IMMP2L: variants seen among roughly 807,000 people sequenced by gnomAD.
The protein encoded by IMMP2L is mitochondrial inner membrane protease subunit 2.
IMMP2L carries 18 observed loss-of-function variants against 19.3 expected under a neutral mutation model. The observed-to-expected ratio is 0.93, with a 90% CI of 0.64 to 1.38. The LOEUF (loss-of-function observed/expected upper bound fraction) is 1.38, where lower values mean the gene tolerates loss of function less well. Among genes scored for constraint, IMMP2L ranks in the 40% most tolerant of loss-of-function variants. IMMP2L has a pLI of 0.00. For missense variants in IMMP2L, 233 were observed against 218.2 expected, an observed-to-expected ratio of 1.07 and a Z score of -0.43; for synonymous variants, 76 against 73.0, an observed-to-expected ratio of 1.04 and a Z score of -0.21.
At chr7:111,214,232 A>G (rs908769078) in intron 3 of IMMP2L, among the ~76,000 whole-genome samples, 3 of 152,060 alleles carry the variant, frequency 2.0e-5, no homozygotes, top group Non-Finnish European at 4.4e-5. Flanking sequence ...TTAGAGAAAT[A>G]AAATCAATCA....
intron 3 of IMMP2L, among the ~76,000 whole-genome samples, chr7:111,030,179 T>C (rs1243282638): frequency 6.6e-6 from 1 of 152,160 alleles, no homozygotes; most frequent in Non-Finnish European, 1.5e-5. Context: ...TTGAACCTAT[T>C]GCATCTAATC....
chr7:111,144,593 C>T (rs144225092), intron 3 of IMMP2L, among the ~76,000 whole-genome samples: 14 of 152,096 alleles, frequency 9.2e-5, no homozygotes, highest in Admixed American at 2.0e-4. Context: ...AAAATACTTA[C>T]GCTTATTTAA....
intron 4 of IMMP2L, among the ~76,000 whole-genome samples, chr7:110,943,726 G>A (rs928898713): frequency 2.0e-5 from 3 of 151,994 alleles, no homozygotes; most frequent in Non-Finnish European, 2.9e-5. Context: ...GGGGTAGGGT[G>A]TTACCACAGA....
chr7:111,382,996 A>G (rs1033769753), intron 3 of IMMP2L, among the ~76,000 whole-genome samples: 6 of 152,066 alleles, frequency 3.9e-5, no homozygotes, highest in Non-Finnish European at 7.4e-5. Flanking sequence ...GTCATCTTTA[A>G]TCTACTCTGT....
rs932454289 is a variant in IMMP2L, at chr7:111,162,050, C to T, written c.240-198485G>A. On this transcript the variant is annotated intron_variant, in intron 3 of 5. Transcript: ENST00000405709. The stretch of plus-strand genomic sequence containing the variant: ...AGATGGCTAATGTTAGTCCAAATGA[C>T]GGTCTGCTCTGGTTAACACACTAAA... Among the ~76,000 whole-genome samples, 6 of 152,180 alleles carry T rather than the reference C, an allele frequency of 3.9e-5. No homozygotes were observed. The East Asian group carries it at 9.7e-4, about 24-fold the overall frequency.
At position 110,775,095 on chromosome 7, in the gene IMMP2L, T is replaced by A. The variant is rs557165688; in HGVS notation, c.409-111374A>T. Among the ~76,000 whole-genome samples the A allele has an allele frequency of 2.0e-5, 3 of 152,210 alleles. No homozygotes were observed. The South Asian group carries it at 6.2e-4, about 32-fold the overall frequency. ...TATAAAACTTTATATGCTGTTTCAA[T>A]TTTGGAATAAAAATTTATGCATATA... is the stretch of plus-strand genomic sequence containing the variant. On this transcript the variant is annotated intron_variant, in intron 5 of 5. Transcript: ENST00000405709.
At chr7:111,543,692 A>G (rs958276576) in intron 1 of IMMP2L, among the ~76,000 whole-genome samples, 1 of 152,202 alleles carries the variant, frequency 6.6e-6, no homozygotes, top group African/African-American at 2.4e-5. Flanking sequence ...AGATATGTAA[A>G]TCAACACTAA....
intron 3 of IMMP2L, among the ~76,000 whole-genome samples, chr7:111,415,586 G>C (rs984712633): frequency 6.6e-6 from 1 of 151,770 alleles, no homozygotes; most frequent in African/African-American, 2.4e-5. Context: ...TGTACATTTT[G>C]ACAATTGAAG....
rs750267136 is a variant in IMMP2L at position 111,387,975 on chromosome 7, T to TAA, written c.239+99261_239+99262dup. The stretch of plus-strand genomic sequence containing the variant: ...TGGAGACAGAGCAAGACTCTGTCTT[T>TAA]AAAAAAAAAAAAAAAAAAAAAAAAC... On this transcript the variant is annotated intron_variant, in intron 3 of 5. Coordinates refer to ENST00000405709, the MANE Select transcript of IMMP2L (RefSeq NM_032549.4). Among the ~76,000 whole-genome samples the TAA allele has an allele frequency of 6.2e-3, 580 of 93,316 alleles. 3 individuals carry two copies. Among genetic ancestry groups the TAA allele is most frequent in the African/African-American group, 0.013 (286 of 21,786 alleles). 61.2% of individuals were successfully genotyped at this position (93,316 alleles called of 152,430 possible).
At chr7:111,128,071 G>T (rs1212830980) in intron 3 of IMMP2L, among the ~76,000 whole-genome samples, 1 of 151,968 alleles carries the variant, frequency 6.6e-6, no homozygotes, top group African/African-American at 2.4e-5. Context: ...ACTTATTTTA[G>T]TGTTAAAGTT....
At chr7:111,486,601 A>G (rs1842674650) in intron 3 of IMMP2L, among the ~76,000 whole-genome samples, 1 of 152,158 alleles carries the variant, frequency 6.6e-6, no homozygotes, top group African/African-American at 2.4e-5. Context: ...AAGCAAACAA[A>G]CAAAAATCTC....
intron 3 of IMMP2L, among the ~76,000 whole-genome samples, chr7:111,307,822 G>A (rs562660903): frequency 6.6e-6 from 1 of 151,694 alleles, no homozygotes; most frequent in African/African-American, 2.4e-5. Flanking sequence ...CTAGCTCATG[G>A]GGCATTGTTT....
At chr7:111,076,513 T>C (rs1224041012) in intron 3 of IMMP2L, among the ~76,000 whole-genome samples, 1 of 152,146 alleles carries the variant, frequency 6.6e-6, no homozygotes, top group Non-Finnish European at 1.5e-5. Context: ...CAGCCTCCAC[T>C]GGCAGCAACC....
intron 4 of IMMP2L, among the ~76,000 whole-genome samples, chr7:110,930,647 T>A (rs563182429): frequency 2.6e-5 from 4 of 152,296 alleles, no homozygotes; most frequent in Admixed American, 1.3e-4. Flanking sequence ...TACTTAATTA[T>A]CACATTAATA....
chr7:111,328,485 C>T (rs1180478099), intron 3 of IMMP2L, among the ~76,000 whole-genome samples: 1 of 151,570 alleles, frequency 6.6e-6, no homozygotes, highest in East Asian at 1.9e-4. Flanking sequence ...CCCACAAATT[C>T]TAAAAGCATT....
At chr7:110,748,341 T>G (rs1000425392) in intron 5 of IMMP2L, among the ~76,000 whole-genome samples, 1 of 152,098 alleles carries the variant, frequency 6.6e-6, no homozygotes, top group Non-Finnish European at 1.5e-5. Flanking sequence ...TTTATAGATT[T>G]AATGCTATCC....
chr7:111,250,167 G>C (rs1248837248), intron 3 of IMMP2L, among the ~76,000 whole-genome samples: 1 of 151,996 alleles, frequency 6.6e-6, no homozygotes, highest in Non-Finnish European at 1.5e-5. Flanking sequence ...TTCCTACAAA[G>C]AGAATAAAAT....
chr7:110,672,910 A>C (rs1445915610), intron 5 of IMMP2L, among the ~76,000 whole-genome samples: 1 of 152,170 alleles, frequency 6.6e-6, no homozygotes, highest in Non-Finnish European at 1.5e-5. Flanking sequence ...TTCCAGGTGC[A>C]CAATGCAAGC....
chr7:110,774,497 T>A (rs1174696804), intron 5 of IMMP2L, among the ~76,000 whole-genome samples: 1 of 152,110 alleles, frequency 6.6e-6, no homozygotes. Flanking sequence ...TATGAAATAA[T>A]ATAAATCTGT....
Sources: allele counts gnomAD v4.1 joint callset (sites outside exome capture counted in the v4.1 genomes callset), GRCh38; gene constraint gnomAD v4.1.1; transcripts MANE v1.5; gene names NCBI Gene and HGNC (gene_info 2026-07-23, HGNC 2026-07-21).